SOBP: variants seen among roughly 807,000 people sequenced by gnomAD.
SOBP encodes the protein sine oculis-binding protein homolog.
In SOBP, 4 loss-of-function variants were observed where a neutral mutation model predicts 53.6. The observed-to-expected ratio is 0.07, with a 90% CI of 0.04 to 0.17. The LOEUF is 0.17. Among genes scored for constraint, SOBP ranks in the 10% least tolerant of loss-of-function variants. The pLI, the probability that SOBP is intolerant of heterozygous loss-of-function variation, is 1.00. For missense variants in SOBP, 1,088 were observed against 1,204.7 expected (o/e 0.90, Z 1.43); for synonymous variants, 584 against 522.6 (o/e 1.12, Z -1.60).
intron 5 of SOBP, among the ~76,000 whole-genome samples, chr6:107,632,323 C>G (rs1316457923): frequency 1.4e-5 from 2 of 147,154 alleles, no homozygotes; most frequent in African/African-American, 2.5e-5. Context: ...GAGAAAATGG[C>G]CCCCCCCCAA....
At chr6:107,625,699 C>G (rs376350221) in intron 5 of SOBP, among the ~76,000 whole-genome samples, 1 of 152,128 alleles carries the variant, frequency 6.6e-6, no homozygotes, top group African/African-American at 2.4e-5. Flanking sequence ...AAGTCCCTGG[C>G]GTGGGGGTTG....
chr6:107,619,974 A>G (rs1337593163), intron 5 of SOBP, among the ~76,000 whole-genome samples: 2 of 152,184 alleles, frequency 1.3e-5, no homozygotes, highest in East Asian at 3.9e-4. Flanking sequence ...TAAGGATTAA[A>G]TCTGAGAAAG....
Position 107,503,805 on chromosome 6 carries a change from T to C in SOBP, c.235+10T>C, listed in dbSNP as rs918478139. ...ATTTCTGTTCTCAAAGGTAATGACATTTAATGTCCTTTTGTTCATGCAAAG... is the reference window on the plus strand; with the variant it reads ...ATTTCTGTTCTCAAAGGTAATGACACTTAATGTCCTTTTGTTCATGCAAAG... On this transcript the variant is annotated intron_variant, in intron 2 of 6. Coordinates refer to ENST00000317357, the MANE Select transcript of SOBP (RefSeq NM_018013.4). 6.2e-7 allele frequency: 1 copy of C among 1,613,684 alleles called. No homozygotes were observed. The highest frequency in any genetic ancestry group is 1.3e-5 in the African/African-American group (1 of 75,056).
chr6:107,578,684 C>T (rs905501647), intron 4 of SOBP, among the ~76,000 whole-genome samples: 3 of 152,290 alleles, frequency 2.0e-5, no homozygotes, highest in East Asian at 3.9e-4. Context: ...GTGTCTGGTA[C>T]GTGCAAGAAA....
chr6:107,574,084 C>G (rs760301339), intron 4 of SOBP, among the ~76,000 whole-genome samples: 4 of 152,180 alleles, frequency 2.6e-5, no homozygotes, highest in Non-Finnish European at 4.4e-5. Context: ...GCCCCACTGT[C>G]TACATTCTTT....
At chr6:107,640,808 C>T (rs962367769) in intron 6 of SOBP, among the ~76,000 whole-genome samples, 19 of 152,206 alleles carry the variant, frequency 1.2e-4, no homozygotes, top group Non-Finnish European at 2.4e-4. Flanking sequence ...TTCAGCAGGA[C>T]TGGGACTAGA....
chr6:107,588,447 T>C, intron 5 of SOBP, among the ~76,000 whole-genome samples: 1 of 152,354 alleles, frequency 6.6e-6, no homozygotes, highest in Non-Finnish European at 1.5e-5. Flanking sequence ...ACTTAACTTA[T>C]GTTTTATCTT....
intron 3 of SOBP, among the ~76,000 whole-genome samples, chr6:107,510,927 C>A (rs1783152099): frequency 6.6e-6 from 1 of 152,110 alleles, no homozygotes; most frequent in Non-Finnish European, 1.5e-5. Context: ...TGTTAGTGTT[C>A]AAATTATTCC....
intron 4 of SOBP, among the ~76,000 whole-genome samples, chr6:107,541,949 C>T (rs1784159709): frequency 6.6e-6 from 1 of 151,718 alleles, no homozygotes. Context: ...TTTAATCATC[C>T]ATTCATTCTT....
chr6:107,535,613 T>TTG (rs561695029), intron 4 of SOBP, among the ~76,000 whole-genome samples: 2,720 of 148,042 alleles, frequency 0.018, 35 homozygotes, highest in Non-Finnish European at 0.024. Flanking sequence ...CTATGCCTTC[T>TTG]TGTGTGTGTG....
At chr6:107,565,117 T>C (rs1191505688) in intron 4 of SOBP, among the ~76,000 whole-genome samples, 1 of 152,226 alleles carries the variant, frequency 6.6e-6, no homozygotes, top group Non-Finnish European at 1.5e-5. Flanking sequence ...TCTATAGTAT[T>C]TCAACTCATG....
intron 4 of SOBP, among the ~76,000 whole-genome samples, chr6:107,544,786 C>T (rs1415435232): frequency 6.8e-6 from 1 of 146,728 alleles, no homozygotes; most frequent in African/African-American, 2.6e-5. Flanking sequence ...ATGATAACCC[C>T]ATTTATCCAT....
chr6:107,600,358 G>A (rs565350820), intron 5 of SOBP, among the ~76,000 whole-genome samples: 280 of 152,320 alleles, frequency 1.8e-3, no homozygotes, highest in African/African-American at 6.1e-3. Flanking sequence ...GTGCTTCCAG[G>A]ATGTAGTGGC....
chr6:107,638,202 T>TATTA (rs1771138807), intron 6 of SOBP, among the ~76,000 whole-genome samples: 2 of 151,894 alleles, frequency 1.3e-5, no homozygotes, highest in Admixed American at 1.3e-4. Flanking sequence ...TTGTTTTATT[T>TATTA]ATTTATTTAG....
chr6:107,497,054 C>G (rs576091665), intron 1 of SOBP, among the ~76,000 whole-genome samples: 34 of 152,352 alleles, frequency 2.2e-4, no homozygotes, highest in Non-Finnish European at 4.4e-4. Context: ...AGGCTTCTGC[C>G]TGTCTTCTGC....
chr6:107,527,634 A>G (rs1318311867), intron 3 of SOBP, among the ~76,000 whole-genome samples: 2 of 152,190 alleles, frequency 1.3e-5, no homozygotes. Context: ...GGTGGGCATG[A>G]CCAGTCCTTG....
intron 5 of SOBP, among the ~76,000 whole-genome samples, chr6:107,626,490 A>G (rs748242334): frequency 3.0e-4 from 45 of 152,248 alleles, no homozygotes; most frequent in Non-Finnish European, 4.4e-4. Context: ...TTGAATGAAA[A>G]CAAAACAAAA....
chr6:107,515,299 CAAAGA>C (rs1461807163), intron 3 of SOBP, among the ~76,000 whole-genome samples: 1 of 151,928 alleles, frequency 6.6e-6, no homozygotes, highest in African/African-American at 2.4e-5. Context: ...AAAAAACAAA[CAAAGA>C]AAAGAAGTTG....
intron 4 of SOBP, among the ~76,000 whole-genome samples, chr6:107,535,323 A>G (rs1337096460): frequency 6.6e-6 from 1 of 152,244 alleles, no homozygotes; most frequent in East Asian, 1.9e-4. Context: ...CATAGGGTAC[A>G]TTTTTGAAAA....
Sources: allele counts gnomAD v4.1 joint callset (sites outside exome capture counted in the v4.1 genomes callset), GRCh38; gene constraint gnomAD v4.1.1; transcripts MANE v1.5; gene names NCBI Gene and HGNC (gene_info 2026-07-23, HGNC 2026-07-21).